Variants in EIF2AK4 observed in about 807,000 individuals in gnomAD.
The protein encoded by EIF2AK4 is eukaryotic translation initiation factor 2 alpha kinase 4.
A neutral mutation model predicts 211.1 loss-of-function variants in EIF2AK4; 139 were observed. The ratio of observed to expected loss-of-function variants is 0.66; its 90% CI spans 0.57 to 0.76. The LOEUF (loss-of-function observed/expected upper bound fraction) is 0.76. Ranked by LOEUF, EIF2AK4 falls within the 30% of genes least tolerant of loss-of-function variation. EIF2AK4 has a pLI of 0.00. For missense variants in EIF2AK4, 1,664 were observed against 2,043.8 expected, an observed-to-expected ratio of 0.81 and a Z score of 3.58; for synonymous variants, 710 against 751.3, an observed-to-expected ratio of 0.94 and a Z score of 0.90.
chr15:39,942,143 A>T (rs1158988603), intron 2 of EIF2AK4, among the ~76,000 whole-genome samples: 4 of 152,162 alleles, frequency 2.6e-5, no homozygotes, highest in Non-Finnish European at 5.9e-5. Context: ...AAAAATCTTA[A>T]TTTGGGGTAA....
chr15:39,960,978 A>T (rs762294885), intron 6 of EIF2AK4, among the ~76,000 whole-genome samples: 1 of 152,160 alleles, frequency 6.6e-6, no homozygotes, highest in Admixed American at 6.5e-5. Context: ...CACGTCATCG[A>T]AGTGTTTCTG....
chr15:39,959,899 C>T lies in EIF2AK4; in HGVS notation c.744-1885C>T, dbSNP rs185375721. ...TGGACATGGGCCAGGTGTGGTGGCT[C>T]ATGCCTGTAATCCCAGCACTTTGGG... On this transcript the variant is annotated intron_variant, in intron 6 of 38. Coordinates refer to ENST00000263791, the MANE Select transcript of EIF2AK4 (RefSeq NM_001013703.4). Among the ~76,000 whole-genome samples the T allele has an allele frequency of 3.5e-3, 526 of 152,256 alleles. 2 individuals are homozygous for T. Among genetic ancestry groups the T allele is most frequent in the African/African-American group, 0.012 (507 of 41,540 alleles).
intron 29 of EIF2AK4, among the ~76,000 whole-genome samples, chr15:40,018,684 A>G (rs1338413882): frequency 6.6e-6 from 1 of 152,198 alleles, no homozygotes; most frequent in Non-Finnish European, 1.5e-5. Flanking sequence ...ATTTTATAAT[A>G]TATCTTATTT....
chr15:40,011,703 G>A (rs1231626532), intron 27 of EIF2AK4, among the ~76,000 whole-genome samples: 1 of 152,170 alleles, frequency 6.6e-6, no homozygotes, highest in Non-Finnish European at 1.5e-5. Flanking sequence ...GATTATACAG[G>A]ACTAGAAGGA....
intron 27 of EIF2AK4, among the ~76,000 whole-genome samples, chr15:40,014,953 C>T (rs1397911688): frequency 1.3e-5 from 2 of 152,198 alleles, no homozygotes; most frequent in South Asian, 2.1e-4. Context: ...ATCTCTAGGG[C>T]AGGGGCAAAA....
intron 3 of EIF2AK4, among the ~76,000 whole-genome samples, chr15:39,948,025 T>A (rs1340123997): frequency 1.3e-5 from 2 of 152,222 alleles, no homozygotes; most frequent in East Asian, 3.8e-4. Flanking sequence ...TTTCTTAGAA[T>A]AACCTGCCTC....
intron 5 of EIF2AK4, among the ~76,000 whole-genome samples, chr15:39,954,552 C>G (rs1373408003): frequency 6.6e-6 from 1 of 152,160 alleles, no homozygotes; most frequent in Non-Finnish European, 1.5e-5. Flanking sequence ...CTGCACCTGG[C>G]CTAGAATTCT....
Position 39,996,982 on chromosome 15 carries a change from C to A in EIF2AK4, c.2785C>A (p.Leu929Met). 6.2e-7 allele frequency: 1 copy of A among 1,613,718 alleles called. No individual in the cohort carries two copies. The highest frequency in any genetic ancestry group is 1.1e-5 in the South Asian group (1 of 91,062). ...AYNQKVDLFS[L>M]GIIFFEMSYH... ...CCCTCAGAAAGTGGATCTCTTCAGC[C>A]TGGGAATTATCTTCTTTGAGATGTC... Residue 929 changes from leucine to methionine, a missense_variant, in exon 19 of 39, where the codon CTG becomes ATG. This residue lies in a region of EIF2AK4 where 622 missense variants were observed against 796.8 expected (regional missense o/e 0.78). Coordinates refer to ENST00000263791, the MANE Select transcript of EIF2AK4 (RefSeq NM_001013703.4).
At chr15:39,947,828 T>C (rs1166338080) in intron 3 of EIF2AK4, among the ~76,000 whole-genome samples, 2 of 152,238 alleles carry the variant, frequency 1.3e-5, no homozygotes, top group African/African-American at 2.4e-5. Flanking sequence ...GTTTGGAAAG[T>C]AGTTCTTTTC....
intron 13 of EIF2AK4, among the ~76,000 whole-genome samples, chr15:39,980,914 A>G (rs1012093605): frequency 2.0e-5 from 3 of 152,234 alleles, no homozygotes; most frequent in African/African-American, 7.2e-5. Context: ...GGGTTCATTC[A>G]TAGTAAAGAA....
chr15:39,954,810 G>A (rs751257120), intron 5 of EIF2AK4, among the ~76,000 whole-genome samples: 2 of 152,154 alleles, frequency 1.3e-5, no homozygotes, highest in Non-Finnish European at 2.9e-5. Context: ...ATAAATTAGA[G>A]CATTAAACTT....
intron 20 of EIF2AK4, among the ~76,000 whole-genome samples, chr15:39,999,648 T>C (rs368802027): frequency 2.0e-5 from 3 of 152,204 alleles, no homozygotes; most frequent in East Asian, 3.8e-4. Flanking sequence ...AGCACTAACA[T>C]TGTGTCATTT....
intron 29 of EIF2AK4, among the ~76,000 whole-genome samples, chr15:40,018,884 A>G (rs2035345178): frequency 6.6e-6 from 1 of 152,246 alleles, no homozygotes; most frequent in African/African-American, 2.4e-5. Flanking sequence ...CATATTGAAC[A>G]GTGCAGAGTT....
intron 11 of EIF2AK4, 139 bp downstream of exon 11, chr15:39,973,888 C>A: frequency 2.2e-6 from 2 of 901,476 alleles, no homozygotes; most frequent in Non-Finnish European, 3.3e-6. Flanking sequence ...TCATCCTCAC[C>A]TTCCTGGAGT....
chr15:39,973,158 C>T (rs2034647899), intron 10 of EIF2AK4, 144 bp downstream of exon 10: 1 of 713,586 alleles, frequency 1.4e-6, no homozygotes. Flanking sequence ...TGATGTGTGC[C>T]ATGTGCATGG....
At chr15:39,985,599 A>G (rs1316371412) in intron 13 of EIF2AK4, among the ~76,000 whole-genome samples, 1 of 152,178 alleles carries the variant, frequency 6.6e-6, no homozygotes, top group Non-Finnish European at 1.5e-5. Flanking sequence ...GGCAGTAATT[A>G]ATAGCCTACC....
rs1180461221 is a variant in EIF2AK4 at position 39,967,538 on chromosome 15, G to T, written c.1212G>T (p.Arg404Ser). 1 of 1,613,728 alleles carries T rather than the reference G, an allele frequency of 6.2e-7. No individual in the cohort carries two copies. The highest frequency in any genetic ancestry group is 1.3e-5 in the African/African-American group (1 of 74,826). The part of the protein sequence containing the change: ...SGPIPVHQLR[R>S]YTAQLLSGLD... ...CCATCCCTGTGCATCAGCTTCGCAG[G>T]TACACAGCTCAGCTCCTGTCAGGCC... The change falls in exon 9 of 39, where the codon AGG becomes AGT. Residue 404 changes from arginine (R) to serine (S), a missense_variant. Physicochemically the swap from Arg to Ser is moderately radical, Grantham distance 110 (BLOSUM62 -1). This residue lies in a region of EIF2AK4 where 641 missense variants were observed against 729.6 expected (regional missense o/e 0.88). Coordinates refer to ENST00000263791, the MANE Select transcript of EIF2AK4 (RefSeq NM_001013703.4).
chr15:39,996,484 C>T (rs2035019818), intron 18 of EIF2AK4, among the ~76,000 whole-genome samples: 1 of 152,122 alleles, frequency 6.6e-6, no homozygotes, highest in Non-Finnish European at 1.5e-5. Context: ...GTGGGTGAAT[C>T]ACTTGAGTCC....
intron 3 of EIF2AK4, among the ~76,000 whole-genome samples, chr15:39,948,033 C>T (rs2034253400): frequency 1.3e-5 from 2 of 152,200 alleles, no homozygotes; most frequent in Admixed American, 6.5e-5. Flanking sequence ...AATAACCTGC[C>T]TCTTAGACTG....
Sources: gnomAD v4.1 joint callset for allele counts (sites outside exome capture counted in the v4.1 genomes callset) on GRCh38, gnomAD v4.1.1 for gene constraint, gnomAD v4.1.1 regional missense constraint, MANE v1.5 for transcripts, NCBI Gene and HGNC (gene_info 2026-07-23, HGNC 2026-07-21) for gene names.